The following VEZT variants were observed in gnomAD, a reference collection of about 807,000 sequenced individuals.
VEZT encodes the protein vezatin, adherens junctions transmembrane protein.
A neutral mutation model predicts 79.9 loss-of-function variants in VEZT; 39 were observed. The ratio of observed to expected loss-of-function variants is 0.49; its 90% CI spans 0.38 to 0.64. VEZT has a LOEUF of 0.64. VEZT is among the 30% of genes least tolerant of loss of function. VEZT has a pLI of 0.00. For synonymous variants in VEZT, 325 were observed against 327.6 expected (o/e 0.99, Z 0.09); for missense variants, 837 against 893.1 (o/e 0.94, Z 0.80).
chr12:95,235,592 C>T (rs1358125641), intron 1 of VEZT, among the ~76,000 whole-genome samples: 1 of 144,796 alleles, frequency 6.9e-6, no homozygotes, highest in East Asian at 2.1e-4. Flanking sequence ...GGCAGAGGGG[C>T]TCCTCACTTC....
chr12:95,237,778 T>C (rs2060390828), intron 1 of VEZT, among the ~76,000 whole-genome samples: 1 of 152,244 alleles, frequency 6.6e-6, no homozygotes, highest in Non-Finnish European at 1.5e-5. Context: ...TCTTGACTTC[T>C]TGCCATTTGC....
chr12:95,275,018 C>G, intron 7 of VEZT, 129 bp downstream of exon 7: 1 of 1,097,890 alleles, frequency 9.1e-7, no homozygotes, highest in African/African-American at 1.6e-5. Context: ...CATAAATGCA[C>G]GGGTGATGTT....
intron 1 of VEZT, among the ~76,000 whole-genome samples, chr12:95,225,792 AAGAG>A (rs749489571): frequency 7.9e-5 from 6 of 76,034 alleles, no homozygotes; most frequent in African/African-American, 1.0e-4. Context: ...AAAAAAAAAA[AAGAG>A]AGAGAAGGAT....
At position 95,266,488 on chromosome 12, in the gene VEZT, G is replaced by A; in HGVS notation, c.566G>A (p.Arg189Lys). Residue 189 changes from arginine (R) to lysine (K), a missense_variant, in exon 5 of 12, where the codon AGG (arginine) becomes AAG (lysine). By Grantham distance (26) the Arg-to-Lys change is conservative. Transcript: ENST00000436874. ...YLVIRALRLWRTAKLQVTLKK... is the reference protein window; with the variant it reads ...YLVIRALRLWKTAKLQVTLKK... ...GTCATAAGAGCTTTGAGATTATGGA[G>A]GACAGCCAAACTACAAGTGACCCTA... The A allele has an allele frequency of 6.2e-7, 1 of 1,613,844 alleles. No individual in the cohort carries two copies. Among genetic ancestry groups the A allele is most frequent in the Non-Finnish European group, 8.5e-7 (1 of 1,179,856 alleles).
At chr12:95,275,715 T>C (rs747146137) in intron 7 of VEZT, 2 of 151,836 alleles carry the variant, frequency 1.3e-5, no homozygotes, top group Non-Finnish European at 2.9e-5. Context: ...GTGTCTAAGA[T>C]CTATAGAAGA....
At chr12:95,226,901 A>C (rs967379089) in intron 1 of VEZT, among the ~76,000 whole-genome samples, 3 of 149,464 alleles carry the variant, frequency 2.0e-5, no homozygotes, top group Non-Finnish European at 4.4e-5. Flanking sequence ...CATTTGTTTT[A>C]ATTAGAATCT....
chr12:95,281,835 T>G (rs1369517551), intron 7 of VEZT, among the ~76,000 whole-genome samples: 1 of 152,122 alleles, frequency 6.6e-6, no homozygotes, highest in African/African-American at 2.4e-5. Flanking sequence ...AGCCCTGGAC[T>G]GATTTTTATG....
chr12:95,226,810 C>T (rs2058560156), intron 1 of VEZT, among the ~76,000 whole-genome samples: 1 of 152,180 alleles, frequency 6.6e-6, no homozygotes, highest in South Asian at 2.1e-4. Context: ...TCTGATTACC[C>T]ATTTTATCAG....
chr12:95,242,827 G>A (rs1426136602), intron 1 of VEZT, among the ~76,000 whole-genome samples: 1 of 149,222 alleles, frequency 6.7e-6, no homozygotes, highest in Non-Finnish European at 1.5e-5. Context: ...GAGCCGAGAT[G>A]GTGCCATTGC....
rs7974168 is a variant in VEZT, at chr12:95,233,614, C to A, written c.36+15728C>A. ...ACAAGGTTTCACCATGTTGGCCAGG[C>A]TGGTCTCAAACTCCTGGCCTCAAGT... On this transcript the variant is annotated intron_variant, in intron 1 of 11. Transcript: ENST00000436874. 3.3e-5 allele frequency among the ~76,000 whole-genome samples: 5 copies of A among 152,222 alleles called. No homozygotes were observed. The East Asian group carries it at 9.7e-4, about 29-fold the overall frequency.
chr12:95,289,301 C>G (rs2071988975), intron 9 of VEZT, among the ~76,000 whole-genome samples: 1 of 148,846 alleles, frequency 6.7e-6, no homozygotes, highest in Non-Finnish European at 1.5e-5. Context: ...CCTGTAGTCA[C>G]AGCTACTCGG....
intron 8 of VEZT, 112 bp downstream of exon 8, chr12:95,282,756 C>A: frequency 6.3e-6 from 5 of 798,906 alleles, no homozygotes; most frequent in South Asian, 4.7e-5. Flanking sequence ...AAAACTGAGG[C>A]ATGAGCATGA....
At chr12:95,236,099 C>G (rs939050185) in intron 1 of VEZT, among the ~76,000 whole-genome samples, 1 of 152,046 alleles carries the variant, frequency 6.6e-6, no homozygotes, top group Non-Finnish European at 1.5e-5. Flanking sequence ...TGTAGCGAGC[C>G]GAGATCACGC....
At chr12:95,237,956 A>G (rs936892256) in intron 1 of VEZT, among the ~76,000 whole-genome samples, 3 of 152,242 alleles carry the variant, frequency 2.0e-5, no homozygotes, top group Non-Finnish European at 2.9e-5. Flanking sequence ...TGTAGCTTCT[A>G]TGAAACTTAA....
At chr12:95,250,017 C>CTT (rs72170059) in intron 1 of VEZT, among the ~76,000 whole-genome samples, 33 of 142,026 alleles carry the variant, frequency 2.3e-4, no homozygotes, top group African/African-American at 7.0e-4. Flanking sequence ...CTGTGTTGCT[C>CTT]TTTTTTTTTT....
intron 2 of VEZT, among the ~76,000 whole-genome samples, chr12:95,254,107 A>C (rs1014182768): frequency 6.6e-6 from 1 of 152,014 alleles, no homozygotes; most frequent in African/African-American, 2.4e-5. Context: ...CTGCCTCCCA[A>C]GTACCTGGGA....
intron 2 of VEZT, 109 bp from the exon 3 acceptor site, chr12:95,257,041 T>A (rs2063580648): frequency 2.2e-6 from 2 of 893,756 alleles, no homozygotes; most frequent in South Asian, 3.8e-5. Flanking sequence ...AATTTTTTTC[T>A]TCCTTTTCTG....
At chr12:95,253,989 T>G (rs1310485256) in intron 2 of VEZT, among the ~76,000 whole-genome samples, 3 of 152,004 alleles carry the variant, frequency 2.0e-5, no homozygotes, top group Admixed American at 6.6e-5. Context: ...ATTTATTTAT[T>G]TATTTATTTG....
intron 3 of VEZT, among the ~76,000 whole-genome samples, chr12:95,259,498 T>G (rs2064016883): frequency 6.6e-6 from 1 of 152,216 alleles, no homozygotes; most frequent in Non-Finnish European, 1.5e-5. Flanking sequence ...AAGTAGCTAC[T>G]GTTATTATCC....
Sources: gnomAD v4.1 joint callset for allele counts (sites outside exome capture counted in the v4.1 genomes callset) on GRCh38, gnomAD v4.1.1 for gene constraint, MANE v1.5 for transcripts, NCBI Gene and HGNC (gene_info 2026-07-23, HGNC 2026-07-21) for gene names.